The following GLCCI1 variants were observed in gnomAD, a reference collection of about 807,000 sequenced individuals.
GLCCI1 encodes the protein glucocorticoid induced 1, also known as glucocorticoid-induced transcript 1 protein.
In GLCCI1, 24 loss-of-function variants were observed where a neutral mutation model predicts 52.2. That is an observed-to-expected ratio of 0.46 (90% CI 0.33 to 0.65). The LOEUF (loss-of-function observed/expected upper bound fraction) is 0.65. Ranked by LOEUF, GLCCI1 falls within the 30% of genes least tolerant of loss-of-function variation. GLCCI1 has a pLI of 0.02. For missense variants in GLCCI1, 704 were observed against 701.5 expected (o/e 1.00, Z -0.04); for synonymous variants, 310 against 276.5 (o/e 1.12, Z -1.20).
intron 6 of GLCCI1, among the ~76,000 whole-genome samples, chr7:8,077,495 C>A (rs1262966351): frequency 6.6e-6 from 1 of 152,192 alleles, no homozygotes; most frequent in Non-Finnish European, 1.5e-5. Context: ...AACATTGACT[C>A]TGGGGCAGCC....
chr7:8,024,209 T>C (rs1296573934), intron 3 of GLCCI1, among the ~76,000 whole-genome samples: 2 of 152,186 alleles, frequency 1.3e-5, no homozygotes, highest in Non-Finnish European at 2.9e-5. Context: ...TACTGTGGTG[T>C]CTGGACTGCA....
chr7:7,969,330 T>A lies in GLCCI1; in HGVS notation c.-21T>A, dbSNP rs1295969474. On this transcript the variant is annotated 5_prime_UTR_variant, in exon 1 of 8. Transcript: ENST00000223145. This position sits in a 1 kb window ranked among gnomAD's most constrained non-coding sequence, Gnocchi z 4.9. ...CGCGCCTCCGTGTCGGCCGGCGGCG[T>A]CCAGGGCCCGCAGAGCCACCATGTC... The A allele has an allele frequency of 7.1e-7, 1 of 1,408,292 alleles. No individual in the cohort carries two copies. Among genetic ancestry groups the A allele is most frequent in the Admixed American group, 2.3e-5 (1 of 44,208 alleles). The allele number at this position is 1,408,292 out of a possible 1,614,324, so 87.2% of individuals were successfully genotyped here.
At chr7:8,041,613 G>A (rs1227776022) in intron 3 of GLCCI1, among the ~76,000 whole-genome samples, 9 of 151,704 alleles carry the variant, frequency 5.9e-5, no homozygotes, top group African/African-American at 1.9e-4. Context: ...TCTTTTTTTC[G>A]AGACAAGGTC....
intron 1 of GLCCI1, among the ~76,000 whole-genome samples, chr7:7,989,410 G>C (rs1032201144): frequency 1.3e-5 from 2 of 152,096 alleles, no homozygotes; most frequent in South Asian, 2.1e-4. Context: ...AAATGTCAGA[G>C]CATAGAAATC....
chr7:7,989,056 T>A (rs1348695827), intron 1 of GLCCI1, among the ~76,000 whole-genome samples: 1 of 152,152 alleles, frequency 6.6e-6, no homozygotes, highest in African/African-American at 2.4e-5. Context: ...GGTAGAGCCA[T>A]GAGATGAATG....
intron 1 of GLCCI1, chr7:7,980,558 C>T: frequency 1.8e-6 from 1 of 564,824 alleles, no homozygotes; most frequent in South Asian, 2.4e-5. Context: ...ACTGTTGATC[C>T]TACAGGGACT....
intron 6 of GLCCI1, 166 bp from the exon 7 acceptor site, chr7:8,084,731 T>C (rs968353724): frequency 1.2e-5 from 7 of 595,828 alleles, no homozygotes; most frequent in Non-Finnish European, 1.9e-5. Flanking sequence ...AGTTTTTATT[T>C]AGAAGAAATG....
At chr7:8,061,706 G>A (rs745783032) in intron 5 of GLCCI1, among the ~76,000 whole-genome samples, 119 of 99,114 alleles carry the variant, frequency 1.2e-3, no homozygotes, top group Non-Finnish European at 1.8e-3. Context: ...TCGTTCTGTT[G>A]CCTAGGCTGG....
intron 2 of GLCCI1, among the ~76,000 whole-genome samples, chr7:8,013,345 C>G (rs892529142): frequency 2.0e-5 from 3 of 152,032 alleles, no homozygotes; most frequent in Non-Finnish European, 4.4e-5. Flanking sequence ...AAGAGTTTAT[C>G]TTTTCCCTGC....
At chr7:8,065,398 C>A (rs1222518109) in intron 5 of GLCCI1, among the ~76,000 whole-genome samples, 5 of 152,166 alleles carry the variant, frequency 3.3e-5, no homozygotes, top group African/African-American at 1.2e-4. Flanking sequence ...TCTTTTATTT[C>A]TTTCTCTTGC....
chr7:8,049,119 A>G (rs1410873952), intron 3 of GLCCI1, among the ~76,000 whole-genome samples: 1 of 152,176 alleles, frequency 6.6e-6, no homozygotes, highest in Non-Finnish European at 1.5e-5. Context: ...TCTCATTAGT[A>G]CGTTATATTT....
At chr7:8,063,367 A>C (rs569545822) in intron 5 of GLCCI1, among the ~76,000 whole-genome samples, 1 of 151,580 alleles carries the variant, frequency 6.6e-6, no homozygotes, top group African/African-American at 2.4e-5. Flanking sequence ...GCTGGTCTTG[A>C]ACTCCTGAGC....
intron 5 of GLCCI1, among the ~76,000 whole-genome samples, chr7:8,061,519 T>C (rs1387250167): frequency 6.6e-6 from 1 of 152,172 alleles, no homozygotes; most frequent in Non-Finnish European, 1.5e-5. Flanking sequence ...TCTTGATGAA[T>C]ATTGCCAGAA....
intron 6 of GLCCI1, among the ~76,000 whole-genome samples, chr7:8,072,117 C>T (rs1022340118): frequency 2.6e-5 from 4 of 152,266 alleles, no homozygotes; most frequent in Non-Finnish European, 2.9e-5. Flanking sequence ...GGCTCCCTTG[C>T]GCCTCTTCCC....
intron 5 of GLCCI1, among the ~76,000 whole-genome samples, chr7:8,062,075 T>C: frequency 6.6e-6 from 1 of 152,200 alleles, no homozygotes; most frequent in East Asian, 1.9e-4. Context: ...TATTTGCTGA[T>C]TCCTTAAAAA....
intron 1 of GLCCI1, among the ~76,000 whole-genome samples, chr7:7,989,432 T>C (rs1364063667): frequency 1.3e-5 from 2 of 152,156 alleles, no homozygotes; most frequent in Non-Finnish European, 2.9e-5. Flanking sequence ...TGGTCTTTTA[T>C]ATAAATGAGG....
At chr7:8,021,382 T>G (rs1163094037) in intron 2 of GLCCI1, among the ~76,000 whole-genome samples, 1 of 152,220 alleles carries the variant, frequency 6.6e-6, no homozygotes. Flanking sequence ...AGTCTTCTCA[T>G]GTATTAAAGA....
At chr7:7,982,971 G>A (rs1222605359) in intron 1 of GLCCI1, among the ~76,000 whole-genome samples, 1 of 152,032 alleles carries the variant, frequency 6.6e-6, no homozygotes, top group African/African-American at 2.4e-5. Flanking sequence ...TAGAATTATA[G>A]CCTTTAATAT....
chr7:7,994,877 A>T (rs1780908474), intron 1 of GLCCI1, among the ~76,000 whole-genome samples: 1 of 152,026 alleles, frequency 6.6e-6, no homozygotes, highest in Non-Finnish European at 1.5e-5. Context: ...GATACACACA[A>T]ACACACACAC....
Sources: gnomAD v4.1 joint callset for allele counts (sites outside exome capture counted in the v4.1 genomes callset) on GRCh38, gnomAD v4.1.1 for gene constraint, Gnocchi (gnomAD v3.1) non-coding constraint, MANE v1.5 for transcripts, NCBI Gene and HGNC (gene_info 2026-07-23, HGNC 2026-07-21) for gene names.